CCSER1: variants seen among roughly 807,000 people sequenced by gnomAD.
The protein encoded by CCSER1 is coiled-coil serine rich protein 1, also known as serine-rich coiled-coil domain-containing protein 1.
A neutral mutation model predicts 82.0 loss-of-function variants in CCSER1; 41 were observed. That is an observed-to-expected ratio of 0.50 (90% CI 0.39 to 0.65). The LOEUF is 0.65. Among genes scored for constraint, CCSER1 ranks in the 30% least tolerant of loss-of-function variants. The probability of loss-of-function intolerance (pLI) is 0.00; values close to 1 mark genes in which losing one functional copy is unlikely to be tolerated. For synonymous variants in CCSER1, 414 were observed against 383.9 expected (o/e 1.08, Z -0.92); for missense variants, 1,119 against 1,064.2 (o/e 1.05, Z -0.72).
chr4:91,107,299 G>C (rs1348449212), intron 10 of CCSER1, among the ~76,000 whole-genome samples: 2 of 152,056 alleles, frequency 1.3e-5, no homozygotes, highest in Non-Finnish European at 2.9e-5. Flanking sequence ...CTGTCACCCA[G>C]GCTGGAGTGC....
At chr4:90,508,927 C>T (rs1388773578) in intron 5 of CCSER1, among the ~76,000 whole-genome samples, 1 of 151,904 alleles carries the variant, frequency 6.6e-6, no homozygotes, top group East Asian at 1.9e-4. Flanking sequence ...GCTAAACAAC[C>T]TTACTAAAAT....
At chr4:90,226,154 C>T (rs1179398072) in intron 1 of CCSER1, among the ~76,000 whole-genome samples, 1 of 152,104 alleles carries the variant, frequency 6.6e-6, no homozygotes, top group East Asian at 1.9e-4. Context: ...GGATTTCAGC[C>T]CCAAATGAGT....
intron 4 of CCSER1, among the ~76,000 whole-genome samples, chr4:90,458,774 T>C (rs1199833601): frequency 6.6e-6 from 1 of 152,232 alleles, no homozygotes; most frequent in East Asian, 1.9e-4. Context: ...ATGATGCCAT[T>C]CTAATATTAT....
intron 8 of CCSER1, among the ~76,000 whole-genome samples, chr4:90,915,879 C>T (rs1727301265): frequency 6.6e-6 from 1 of 151,444 alleles, no homozygotes; most frequent in East Asian, 1.9e-4. Flanking sequence ...AACAGACAAA[C>T]AGAGAGCCAA....
At chr4:91,583,994 C>T (rs79401850) in intron 10 of CCSER1, among the ~76,000 whole-genome samples, 5,607 of 151,566 alleles carry the variant, frequency 0.037, 188 homozygotes, top group South Asian at 0.16. Context: ...AAAATGTTCA[C>T]AGCATGCTTT....
At chr4:90,422,369 A>G (rs28455814) in intron 4 of CCSER1, among the ~76,000 whole-genome samples, 2,890 of 152,238 alleles carry the variant, frequency 0.019, 43 homozygotes, top group African/African-American at 0.04. Context: ...TAGGCTGGAA[A>G]ATTGCTTGAG....
chr4:91,475,084 C>A (rs1309482459), intron 10 of CCSER1, among the ~76,000 whole-genome samples: 1 of 151,596 alleles, frequency 6.6e-6, no homozygotes, highest in African/African-American at 2.4e-5. Flanking sequence ...ATCATAGAGT[C>A]TCTACTGTTA....
At chr4:90,429,425 T>C (rs1483715260) in intron 4 of CCSER1, among the ~76,000 whole-genome samples, 1 of 151,842 alleles carries the variant, frequency 6.6e-6, no homozygotes, top group African/African-American at 2.4e-5. Context: ...AATTTCCGCA[T>C]GTAATGTTTA....
chr4:91,210,670 T>C (rs1425917788), intron 10 of CCSER1, among the ~76,000 whole-genome samples: 1 of 151,744 alleles, frequency 6.6e-6, no homozygotes, highest in Non-Finnish European at 1.5e-5. Flanking sequence ...GATATAAAAT[T>C]CAAGTAAAAA....
At position 90,540,025 on chromosome 4, in the gene CCSER1, C is replaced by A. The variant is rs577870287; in HGVS notation, c.1724+71671C>A. Among the ~76,000 whole-genome samples, 42 of 152,068 alleles carry A rather than the reference C, an allele frequency of 2.8e-4. 1 individual carries two copies. In the South Asian group the frequency reaches 8.3e-3, roughly 30 times the overall value. On this transcript the variant is annotated intron_variant, in intron 5 of 10. Coordinates refer to ENST00000509176, the MANE Select transcript of CCSER1 (RefSeq NM_001145065.2). Reference sequence around the variant, plus strand: ...GAAACAGGGCAATTTCAGACACTGACCATAAGTTATCTATAAGGAACGGAG... The same window carrying A: ...GAAACAGGGCAATTTCAGACACTGAACATAAGTTATCTATAAGGAACGGAG...
intron 1 of CCSER1, among the ~76,000 whole-genome samples, chr4:90,175,957 G>T (rs1166123802): frequency 6.6e-6 from 1 of 151,954 alleles, no homozygotes; most frequent in Non-Finnish European, 1.5e-5. Context: ...ACAGGTTGAT[G>T]TAAGATGAAT....
chr4:90,805,335 C>T (rs566209920), intron 7 of CCSER1, among the ~76,000 whole-genome samples: 1 of 142,140 alleles, frequency 7.0e-6, no homozygotes, highest in South Asian at 2.2e-4. Context: ...ACCCAGCATT[C>T]AACACCGGTT....
chr4:91,327,370 T>C (rs1183012523), intron 10 of CCSER1, among the ~76,000 whole-genome samples: 1 of 152,208 alleles, frequency 6.6e-6, no homozygotes, highest in African/African-American at 2.4e-5. Flanking sequence ...TTTCAAGCAA[T>C]GGTTGGAGCT....
intron 10 of CCSER1, among the ~76,000 whole-genome samples, chr4:91,205,241 A>G (rs564195781): frequency 9.2e-5 from 14 of 151,792 alleles, no homozygotes; most frequent in Admixed American, 4.6e-4. Flanking sequence ...TAAAATCTTT[A>G]GCTCACAGTT....
chr4:90,696,052 TCCAAA>T (rs1386459535), intron 6 of CCSER1, among the ~76,000 whole-genome samples: 1 of 152,110 alleles, frequency 6.6e-6, no homozygotes, highest in Non-Finnish European at 1.5e-5. Flanking sequence ...CGGTTACATT[TCCAAA>T]ATATAAATCT....
intron 7 of CCSER1, among the ~76,000 whole-genome samples, chr4:90,791,211 A>G (rs984399365): frequency 6.6e-6 from 1 of 152,154 alleles, no homozygotes; most frequent in Non-Finnish European, 1.5e-5. Flanking sequence ...CAATGATTCA[A>G]TTACCTCCCA....
At chr4:90,526,411 T>C (rs549420311) in intron 5 of CCSER1, among the ~76,000 whole-genome samples, 1 of 152,330 alleles carries the variant, frequency 6.6e-6, no homozygotes, top group Admixed American at 6.5e-5. Context: ...GCTTTTTTTT[T>C]TCTTATACTT....
chr4:90,395,188 C>T (rs1023781305), intron 3 of CCSER1, among the ~76,000 whole-genome samples: 4 of 152,136 alleles, frequency 2.6e-5, no homozygotes, highest in African/African-American at 4.8e-5. Flanking sequence ...ATGTTCTGTG[C>T]GTGACTTACT....
chr4:90,471,129 AT>A (rs1342809520), intron 5 of CCSER1, among the ~76,000 whole-genome samples: 1 of 152,152 alleles, frequency 6.6e-6, no homozygotes, highest in Non-Finnish European at 1.5e-5. Context: ...AATATAATGC[AT>A]GTATCTTTAT....
Sources: gnomAD v4.1 joint callset for allele counts (sites outside exome capture counted in the v4.1 genomes callset) on GRCh38, gnomAD v4.1.1 for gene constraint, MANE v1.5 for transcripts, NCBI Gene and HGNC (gene_info 2026-07-23, HGNC 2026-07-21) for gene names.